CLPB: variants seen among roughly 807,000 people sequenced by gnomAD.
CLPB encodes the protein mitochondrial disaggregase.
CLPB carries 40 observed loss-of-function variants against 78.4 expected under a neutral mutation model. That is an observed-to-expected ratio of 0.51 (90% CI 0.40 to 0.66). The LOEUF (loss-of-function observed/expected upper bound fraction) is 0.66. Ranked by LOEUF, CLPB falls within the 30% of genes least tolerant of loss-of-function variation. CLPB has a pLI of 0.00. For missense variants in CLPB, 780 were observed against 886.9 expected, an observed-to-expected ratio of 0.88 and a Z score of 1.53; for synonymous variants, 333 against 348.0, an observed-to-expected ratio of 0.96 and a Z score of 0.48.
chr11:72,329,883 G>C, intron 5 of CLPB, 79 bp from the exon 6 acceptor site: 1 of 1,104,440 alleles, frequency 9.1e-7, no homozygotes, highest in Non-Finnish European at 1.4e-6. Flanking sequence ...GTGGCTTAAG[G>C]CTCTGATTTC....
chr11:72,305,685 C>T (rs1330311943), intron 9 of CLPB, among the ~76,000 whole-genome samples: 1 of 152,222 alleles, frequency 6.6e-6, no homozygotes, highest in African/African-American at 2.4e-5. Context: ...GTGAGGCATG[C>T]ACTGAAGGAT....
chr11:72,405,540 G>A (rs1382858524), intron 2 of CLPB, among the ~76,000 whole-genome samples: 8 of 152,108 alleles, frequency 5.3e-5, no homozygotes, highest in African/African-American at 1.9e-4. Context: ...CAGATTCCTG[G>A]CATGCATGCT....
intron 7 of CLPB, among the ~76,000 whole-genome samples, chr11:72,316,307 G>A (rs577575820): frequency 1.6e-4 from 25 of 152,254 alleles, no homozygotes; most frequent in African/African-American, 5.1e-4. Flanking sequence ...TAGTGATGCC[G>A]CTGGTCCAGA....
intron 5 of CLPB, among the ~76,000 whole-genome samples, chr11:72,349,533 G>C (rs983746835): frequency 1.3e-5 from 2 of 152,136 alleles, no homozygotes; most frequent in African/African-American, 4.8e-5. Flanking sequence ...TGAATGCTAG[G>C]AGCAAACTCC....
intron 8 of CLPB, 125 bp from the exon 9 acceptor site, chr11:72,307,379 G>C: frequency 2.4e-6 from 2 of 820,184 alleles, no homozygotes. Context: ...TTGAGGCGCA[G>C]AAAGGATCAG....
At chr11:72,339,747 G>T (rs1447050433) in intron 5 of CLPB, among the ~76,000 whole-genome samples, 2 of 152,196 alleles carry the variant, frequency 1.3e-5, no homozygotes, top group Non-Finnish European at 2.9e-5. Flanking sequence ...AGATGGACAA[G>T]TTTATTTCAG....
In CLPB at chr11:72,390,618, A is replaced by T. The variant is rs150858654; in HGVS notation, c.543-10234T>A. 3.1e-3 allele frequency among the ~76,000 whole-genome samples: 473 copies of T among 152,348 alleles called. 4 individuals are homozygous for T. Among genetic ancestry groups the T allele is most frequent in the South Asian group, 0.014 (68 of 4,830 alleles). On this transcript the variant is annotated intron_variant, in intron 3 of 15. Coordinates refer to ENST00000538039, the MANE Select transcript of CLPB (RefSeq NM_001258392.3). ...TATTACAGAAATGCAAATTAAAATG[A>T]GATATCACTGTAAATTCAACATATT...
chr11:72,358,157 T>A lies in CLPB; in HGVS notation c.775+723A>T, dbSNP rs187567363. Among the ~76,000 whole-genome samples, 540 of 152,318 alleles carry A rather than the reference T, an allele frequency of 3.5e-3. 1 individual carries two copies. Among genetic ancestry groups the A allele is most frequent in the Non-Finnish European group, 6.3e-3 (428 of 68,026 alleles). On this transcript the variant is annotated intron_variant, in intron 5 of 15. Transcript: ENST00000538039. ...GACTTGCCCAGCCTGAGTCTGGGGA[T>A]GGCATGTTTTGTCTCTCCAATTAAC...
chr11:72,336,808 A>T, intron 5 of CLPB: 5 of 332,898 alleles, frequency 1.5e-5, no homozygotes, highest in Non-Finnish European at 2.2e-5. Flanking sequence ...TCAAGGAAAC[A>T]TTGAGAGAGA....
chr11:72,315,213 G>A (rs940999206), intron 7 of CLPB, among the ~76,000 whole-genome samples: 4 of 152,154 alleles, frequency 2.6e-5, no homozygotes, highest in Non-Finnish European at 4.4e-5. Flanking sequence ...TCTCTACACA[G>A]ATCAGAACAC....
intron 9 of CLPB, among the ~76,000 whole-genome samples, chr11:72,303,223 C>T (rs1402106358): frequency 6.6e-6 from 1 of 152,240 alleles, no homozygotes; most frequent in Non-Finnish European, 1.5e-5. Flanking sequence ...TCCTCTCCTA[C>T]TGGCACATGC....
intron 3 of CLPB, among the ~76,000 whole-genome samples, chr11:72,395,665 G>A (rs1855384088): frequency 6.6e-6 from 1 of 152,152 alleles, no homozygotes; most frequent in African/African-American, 2.4e-5. Flanking sequence ...AGCCTCCTTG[G>A]GCAGAAGGTA....
At chr11:72,362,936 G>A (rs1016743512) in intron 4 of CLPB, among the ~76,000 whole-genome samples, 121 of 152,248 alleles carry the variant, frequency 7.9e-4, no homozygotes, top group African/African-American at 2.2e-3. Flanking sequence ...CGGGCAGATC[G>A]CTTGAGCTCA....
chr11:72,406,385 G>A (rs568801669), intron 2 of CLPB, among the ~76,000 whole-genome samples: 69 of 152,272 alleles, frequency 4.5e-4, no homozygotes, highest in Admixed American at 1.2e-3. Context: ...AGGGCCGAGT[G>A]CAGTCTAATA....
intron 2 of CLPB, among the ~76,000 whole-genome samples, chr11:72,417,235 C>T (rs1856051202): frequency 2.0e-5 from 3 of 152,168 alleles, no homozygotes; most frequent in Admixed American, 2.0e-4. Flanking sequence ...TACATCCATA[C>T]AGGGAATATT....
chr11:72,422,344 G>C (rs1295221953), intron 2 of CLPB, among the ~76,000 whole-genome samples: 3 of 151,690 alleles, frequency 2.0e-5, no homozygotes, highest in Non-Finnish European at 4.4e-5. Context: ...ACAATACTTG[G>C]AAGCTAAGAC....
intron 5 of CLPB, 97 bp from the exon 6 acceptor site, chr11:72,329,901 G>A: frequency 1.1e-6 from 1 of 888,632 alleles, no homozygotes; most frequent in Non-Finnish European, 1.8e-6. Flanking sequence ...TTCTATGTTG[G>A]GAATGTCCAT....
At chr11:72,314,308 G>C (rs924546284) in intron 7 of CLPB, among the ~76,000 whole-genome samples, 1 of 152,194 alleles carries the variant, frequency 6.6e-6, no homozygotes, top group African/African-American at 2.4e-5. Context: ...AAGCTGCCGG[G>C]TATGTGCAGG....
At chr11:72,404,714 C>A (rs80018947) in intron 2 of CLPB, among the ~76,000 whole-genome samples, 1 of 152,078 alleles carries the variant, frequency 6.6e-6, no homozygotes, top group African/African-American at 2.4e-5. Flanking sequence ...TCCAGGTAGA[C>A]GCAGTCCTCT....
Sources: gnomAD v4.1 joint callset for allele counts (sites outside exome capture counted in the v4.1 genomes callset) on GRCh38, gnomAD v4.1.1 for gene constraint, MANE v1.5 for transcripts, NCBI Gene and HGNC (gene_info 2026-07-23, HGNC 2026-07-21) for gene names.